Variants in EFNA5 observed in about 807,000 individuals in gnomAD.
EFNA5 encodes ephrin-A5.
A neutral mutation model predicts 22.9 loss-of-function variants in EFNA5; 5 were observed. The observed-to-expected ratio is 0.22, with a 90% CI of 0.11 to 0.46. The LOEUF (loss-of-function observed/expected upper bound fraction) is 0.46, where lower values mean the gene tolerates loss of function less well. Among genes scored for constraint, EFNA5 ranks in the 20% least tolerant of loss-of-function variants. The pLI is 0.99. For missense variants in EFNA5, 237 were observed against 293.3 expected, an observed-to-expected ratio of 0.81 and a Z score of 1.40; for synonymous variants, 113 against 112.2, an observed-to-expected ratio of 1.01 and a Z score of -0.04.
intron 1 of EFNA5, among the ~76,000 whole-genome samples, chr5:107,539,852 T>C (rs920103039): frequency 1.3e-5 from 2 of 152,076 alleles, no homozygotes; most frequent in African/African-American, 2.4e-5. Context: ...AAGGAGAAAG[T>C]AGGAGAGGGA....
At chr5:107,460,519 T>A (rs1025537512) in intron 1 of EFNA5, among the ~76,000 whole-genome samples, 1 of 152,206 alleles carries the variant, frequency 6.6e-6, no homozygotes, top group Non-Finnish European at 1.5e-5. Flanking sequence ...AGCTGATTTA[T>A]CGAAAACTTG....
intron 1 of EFNA5, among the ~76,000 whole-genome samples, chr5:107,517,357 A>G (rs79280596): frequency 1.3e-3 from 201 of 152,278 alleles, no homozygotes; most frequent in African/African-American, 4.6e-3. Context: ...CACAGTGATA[A>G]AAGTACTGAA....
chr5:107,433,139 C>G (rs941588245), intron 1 of EFNA5, among the ~76,000 whole-genome samples: 2 of 152,170 alleles, frequency 1.3e-5, no homozygotes, highest in East Asian at 3.9e-4. Context: ...AAAGTTATAC[C>G]TGGATTTTCA....
At chr5:107,424,896 G>A (rs537513241) in intron 2 of EFNA5, among the ~76,000 whole-genome samples, 2 of 152,180 alleles carry the variant, frequency 1.3e-5, no homozygotes, top group East Asian at 1.9e-4. Flanking sequence ...ATGCCTTTGC[G>A]GGTCGAAAAC....
At chr5:107,491,184 C>T (rs41493053) in intron 1 of EFNA5, among the ~76,000 whole-genome samples, 3,791 of 152,304 alleles carry the variant, frequency 0.025, 72 homozygotes, top group South Asian at 0.06. Context: ...TCTGGCCAAA[C>T]GGCCTCCAAC....
intron 1 of EFNA5, among the ~76,000 whole-genome samples, chr5:107,451,924 C>G (rs183390247): frequency 2.0e-5 from 3 of 152,162 alleles, no homozygotes; most frequent in African/African-American, 7.2e-5. Flanking sequence ...CACATGTACA[C>G]GTATGTTTAT....
chr5:107,639,265 G>A (rs1403442745), intron 1 of EFNA5, among the ~76,000 whole-genome samples: 1 of 152,196 alleles, frequency 6.6e-6, no homozygotes, highest in Non-Finnish European at 1.5e-5. Context: ...TGAATTGGCA[G>A]CATTCATTTG....
intron 1 of EFNA5, among the ~76,000 whole-genome samples, chr5:107,514,186 A>G (rs1399654033): frequency 2.0e-5 from 3 of 152,188 alleles, no homozygotes; most frequent in Non-Finnish European, 4.4e-5. Flanking sequence ...CAAGTTATGA[A>G]GCATCCCTGA....
chr5:107,542,881 CA>C (rs1221809133), intron 1 of EFNA5, among the ~76,000 whole-genome samples: 2 of 152,152 alleles, frequency 1.3e-5, no homozygotes, highest in Non-Finnish European at 2.9e-5. Flanking sequence ...CCTCGACAGG[CA>C]GTGTATGTGT....
chr5:107,436,537 C>T (rs1038105420), intron 1 of EFNA5, among the ~76,000 whole-genome samples: 3 of 152,150 alleles, frequency 2.0e-5, no homozygotes, highest in African/African-American at 7.2e-5. Context: ...TCCTAACAGA[C>T]GTCACTCCCA....
intron 1 of EFNA5, among the ~76,000 whole-genome samples, chr5:107,518,557 T>C (rs561465797): frequency 6.7e-6 from 1 of 148,970 alleles, no homozygotes; most frequent in African/African-American, 2.5e-5. Context: ...TTAGTACCCA[T>C]TGGGAAGCCG....
intron 1 of EFNA5, among the ~76,000 whole-genome samples, chr5:107,431,221 A>C (rs958097322): frequency 2.0e-5 from 3 of 152,226 alleles, no homozygotes; most frequent in Non-Finnish European, 4.4e-5. Context: ...TAAATATAAA[A>C]ACAATGACAA....
chr5:107,631,101 G>A (rs1057198423), intron 1 of EFNA5, among the ~76,000 whole-genome samples: 3 of 152,008 alleles, frequency 2.0e-5, no homozygotes, highest in African/African-American at 7.3e-5. Context: ...TTATATGTGA[G>A]TACAAAGATT....
chr5:107,381,609 A>G (rs542317067), intron 4 of EFNA5, among the ~76,000 whole-genome samples: 1 of 152,244 alleles, frequency 6.6e-6, no homozygotes, highest in Non-Finnish European at 1.5e-5. Flanking sequence ...AATTGAGGGG[A>G]AAAATTATGC....
chr5:107,409,043 A>G (rs764372669), intron 2 of EFNA5, among the ~76,000 whole-genome samples: 58 of 152,344 alleles, frequency 3.8e-4, no homozygotes, highest in Admixed American at 1.0e-3. Context: ...TTGAACACAA[A>G]GACATTAAAA....
At chr5:107,667,211 G>A (rs1427977211) in intron 1 of EFNA5, among the ~76,000 whole-genome samples, 1 of 151,988 alleles carries the variant, frequency 6.6e-6, no homozygotes, top group Non-Finnish European at 1.5e-5. Context: ...AGTTCTGAGT[G>A]GCTATTTCAC....
chr5:107,491,120 A>G (rs1746794347), intron 1 of EFNA5, among the ~76,000 whole-genome samples: 1 of 152,206 alleles, frequency 6.6e-6, no homozygotes, highest in Non-Finnish European at 1.5e-5. Flanking sequence ...AAATGTTCAG[A>G]GACTCTTGGC....
intron 1 of EFNA5, among the ~76,000 whole-genome samples, chr5:107,539,176 C>G (rs1451608670): frequency 6.6e-6 from 1 of 152,168 alleles, no homozygotes; most frequent in Non-Finnish European, 1.5e-5. Context: ...ATAATCATGC[C>G]CTACATGCCT....
chr5:107,664,252 A>C (rs974472544), intron 1 of EFNA5, among the ~76,000 whole-genome samples: 1 of 152,202 alleles, frequency 6.6e-6, no homozygotes, highest in African/African-American at 2.4e-5. Context: ...ATTTTACTCA[A>C]GATCATGCAA....
Sources: gnomAD v4.1 joint callset for allele counts (sites outside exome capture counted in the v4.1 genomes callset) on GRCh38, gnomAD v4.1.1 for gene constraint, MANE v1.5 for transcripts, NCBI Gene and HGNC (gene_info 2026-07-23, HGNC 2026-07-21) for gene names.